Variants in CNTN4 observed in about 807,000 individuals in gnomAD.
CNTN4 encodes the protein contactin-4.
Under a neutral mutation model 122.5 loss-of-function variants are expected in CNTN4, and 77 were observed. The ratio of observed to expected loss-of-function variants is 0.63; its 90% CI spans 0.52 to 0.76. The LOEUF is 0.76. Among genes scored for constraint, CNTN4 ranks in the 30% least tolerant of loss-of-function variants. The pLI is 0.00. For missense variants in CNTN4, 1,256 were observed against 1,259.1 expected (o/e 1.00, Z 0.04); for synonymous variants, 512 against 447.0 (o/e 1.15, Z -1.83).
chr3:2,253,605 G>T (rs1237513162), intron 2 of CNTN4, among the ~76,000 whole-genome samples: 1 of 151,474 alleles, frequency 6.6e-6, no homozygotes, highest in Non-Finnish European at 1.5e-5. Flanking sequence ...ATCTTTATTG[G>T]AATCAGTTAG....
At chr3:2,198,043 G>A (rs77743840) in intron 2 of CNTN4, among the ~76,000 whole-genome samples, 2,544 of 143,548 alleles carry the variant, frequency 0.018, 91 homozygotes, top group African/African-American at 0.062. Context: ...AAAAAAAAAA[G>A]GAGAGAATTT....
At chr3:2,974,428 C>T (rs1211098549) in intron 13 of CNTN4, among the ~76,000 whole-genome samples, 1 of 152,272 alleles carries the variant, frequency 6.6e-6, no homozygotes, top group East Asian at 1.9e-4. Context: ...TTAAATGTTT[C>T]ATGGGAATTT....
chr3:2,375,037 A>G (rs1048279963), intron 3 of CNTN4, among the ~76,000 whole-genome samples: 3 of 152,238 alleles, frequency 2.0e-5, no homozygotes, highest in East Asian at 1.9e-4. Context: ...TGAAAAGTCC[A>G]TCTGACAATA....
intron 13 of CNTN4, among the ~76,000 whole-genome samples, chr3:2,963,934 C>G (rs2094886232): frequency 6.6e-6 from 1 of 152,134 alleles, no homozygotes; most frequent in African/African-American, 2.4e-5. Context: ...GAAGAATGGT[C>G]ATAAACAGAA....
intron 4 of CNTN4, among the ~76,000 whole-genome samples, chr3:2,692,346 G>T (rs1359620077): frequency 6.6e-6 from 1 of 152,036 alleles, no homozygotes; most frequent in Non-Finnish European, 1.5e-5. Flanking sequence ...TGCCCTCCCT[G>T]CAGGCAGTTC....
intron 3 of CNTN4, among the ~76,000 whole-genome samples, chr3:2,432,540 C>T (rs1460817857): frequency 1.3e-5 from 2 of 151,914 alleles, no homozygotes; most frequent in African/African-American, 2.4e-5. Context: ...GATATGACAG[C>T]ATTTCTCCCC....
rs181303642 is a variant in CNTN4 at position 2,650,580 on chromosome 3, A to T, written c.55+79022A>T. ...ACGGAAGACTCAATCAATGCAGCAAACTTCAATGTTGTCTTATTTTAAGAA... is the reference window on the plus strand; with the variant it reads ...ACGGAAGACTCAATCAATGCAGCAATCTTCAATGTTGTCTTATTTTAAGAA... On this transcript the variant is annotated intron_variant, in intron 4 of 24. Coordinates refer to ENST00000418658, the MANE Select transcript of CNTN4 (RefSeq NM_175607.3). Among the ~76,000 whole-genome samples, 34 of 152,268 alleles carry T rather than the reference A, an allele frequency of 2.2e-4. No homozygotes were observed. The East Asian group carries it at 6.4e-3, about 29-fold the overall frequency.
At chr3:2,253,932 C>T (rs1470916755) in intron 2 of CNTN4, among the ~76,000 whole-genome samples, 5 of 152,020 alleles carry the variant, frequency 3.3e-5, no homozygotes, top group Non-Finnish European at 7.4e-5. Context: ...GATACATGTG[C>T]AGAACATGCA....
chr3:2,505,033 AT>A (rs1379902813), intron 3 of CNTN4, among the ~76,000 whole-genome samples: 1 of 152,188 alleles, frequency 6.6e-6, no homozygotes, highest in Non-Finnish European at 1.5e-5. Context: ...GATTTGGAAA[AT>A]TTGAGTATAG....
chr3:2,946,599 A>C (rs1386048569), intron 13 of CNTN4, among the ~76,000 whole-genome samples: 2 of 152,132 alleles, frequency 1.3e-5, no homozygotes. Context: ...AATTTTTTAA[A>C]ATTAAGTTCC....
intron 4 of CNTN4, among the ~76,000 whole-genome samples, chr3:2,578,232 C>T (rs1019830901): frequency 6.6e-6 from 1 of 152,190 alleles, no homozygotes; most frequent in Non-Finnish European, 1.5e-5. Flanking sequence ...AGTCTCATCA[C>T]TAAGACTGAA....
At chr3:2,565,069 T>C (rs34466488) in intron 3 of CNTN4, among the ~76,000 whole-genome samples, 4,432 of 152,210 alleles carry the variant, frequency 0.029, 81 homozygotes, top group Middle Eastern at 0.061. Flanking sequence ...CTCAAGGTCC[T>C]CTTTAATGTG....
intron 2 of CNTN4, among the ~76,000 whole-genome samples, chr3:2,111,441 A>G (rs1284292531): frequency 6.6e-6 from 1 of 152,162 alleles, no homozygotes; most frequent in East Asian, 1.9e-4. Context: ...AAATCAACAT[A>G]TTAAGGTAAA....
chr3:2,695,624 G>A (rs1002688582), intron 4 of CNTN4, among the ~76,000 whole-genome samples: 2 of 152,180 alleles, frequency 1.3e-5, no homozygotes, highest in African/African-American at 2.4e-5. Flanking sequence ...GGGAAGGGAT[G>A]TTATAGAGAA....
Position 2,709,610 on chromosome 3 carries a change from A to C in CNTN4, c.56-26605A>C, listed in dbSNP as rs578061136. Among the ~76,000 whole-genome samples, 11 of 152,312 alleles carry C rather than the reference A, an allele frequency of 7.2e-5. No homozygotes were observed. The highest frequency in any genetic ancestry group is 7.2e-4 in the Admixed American group (11 of 15,300). On this transcript the variant is annotated intron_variant, in intron 4 of 24. Coordinates refer to ENST00000418658, the MANE Select transcript of CNTN4 (RefSeq NM_175607.3). This position sits in a 1 kb window ranked among gnomAD's most constrained non-coding sequence, Gnocchi z 5.0. ...ATATTGAAAAATGTTTTTAATAATT[A>C]ATCATTTAAATTCCACAATGTGGCT...
chr3:2,286,208 C>CGTGTGTGTGT (rs372804004), intron 2 of CNTN4, among the ~76,000 whole-genome samples: 1 of 143,038 alleles, frequency 7.0e-6, no homozygotes, highest in Admixed American at 7.5e-5. Flanking sequence ...GATCTCCTGC[C>CGTGTGTGTGT]GTGTGTGTGT....
At chr3:2,303,797 A>C (rs1475444661) in intron 2 of CNTN4, among the ~76,000 whole-genome samples, 1 of 152,152 alleles carries the variant, frequency 6.6e-6, no homozygotes, top group Non-Finnish European at 1.5e-5. Flanking sequence ...GGCGCCTCTG[A>C]TTCTGCCTAG....
rs1056515467 is a variant in CNTN4, at chr3:2,819,647, C to T, written c.454+66C>T. On this transcript the variant is annotated intron_variant, in intron 7 of 24. Transcript: ENST00000418658. ...GTTATTTTTCTTCCTCAATGTTCTC[C>T]CTCCTGACACCAGCTGAGTGCACAG... 66 of 1,167,416 alleles carry T rather than the reference C, an allele frequency of 5.7e-5. 2 individuals carry two copies. The highest frequency in any genetic ancestry group is 5.5e-5 in the Non-Finnish European group (43 of 776,512). 72.3% of individuals were successfully genotyped at this position (1,167,416 alleles called of 1,614,324 possible). A position where few individuals can be genotyped will look rare whatever the true frequency, so the allele number is the denominator to read the frequency against.
chr3:2,120,405 A>ATATATATATATATATATATATATAT (rs1428527983), intron 2 of CNTN4, among the ~76,000 whole-genome samples: 2 of 40,880 alleles, frequency 4.9e-5, no homozygotes, highest in Non-Finnish European at 8.5e-5. Flanking sequence ...ATATATATAT[A>ATATATATATATATATATATATATAT]TTTTTTTTTT....
Sources: allele counts gnomAD v4.1 joint callset (sites outside exome capture counted in the v4.1 genomes callset), GRCh38; gene constraint gnomAD v4.1.1; non-coding constraint Gnocchi (gnomAD v3.1); transcripts MANE v1.5; gene names NCBI Gene and HGNC (gene_info 2026-07-23, HGNC 2026-07-21).